The following PRR5L variants were observed in gnomAD, a reference collection of about 807,000 sequenced individuals.
PRR5L encodes the protein proline-rich protein 5-like.
In PRR5L, 21 loss-of-function variants were observed where a neutral mutation model predicts 36.4. The observed-to-expected ratio is 0.58, with a 90% CI of 0.41 to 0.83. The LOEUF is 0.83. Among genes scored for constraint, PRR5L ranks in the 40% least tolerant of loss-of-function variants. The pLI is 0.00. For synonymous variants in PRR5L, 188 were observed against 197.0 expected, an observed-to-expected ratio of 0.95 and a Z score of 0.38; for missense variants, 381 against 473.3, an observed-to-expected ratio of 0.80 and a Z score of 1.81.
intron 1 of PRR5L, among the ~76,000 whole-genome samples, chr11:36,379,001 T>C (rs374342523): frequency 3.3e-5 from 5 of 152,348 alleles, no homozygotes; most frequent in African/African-American, 1.2e-4. Context: ...GTTGATTAGA[T>C]GGATGGCTTT....
intron 1 of PRR5L, among the ~76,000 whole-genome samples, chr11:36,313,718 A>G (rs1856527543): frequency 6.6e-6 from 1 of 152,242 alleles, no homozygotes; most frequent in African/African-American, 2.4e-5. Flanking sequence ...TTTTAACAGC[A>G]TGATTGACCT....
chr11:36,377,912 C>T lies in PRR5L; in HGVS notation c.-125-23085C>T, dbSNP rs1300866869. 6.6e-6 allele frequency among the ~76,000 whole-genome samples: 1 copy of T among 152,154 alleles called. No homozygotes were observed. Among genetic ancestry groups the T allele is most frequent in the Non-Finnish European group, 1.5e-5 (1 of 68,028 alleles). On this transcript the variant is annotated intron_variant, in intron 1 of 8. Transcript: ENST00000530639. This position sits in a 1 kb window ranked among gnomAD's most constrained non-coding sequence, Gnocchi z 5.1. ...CTTGGGCAGAATTCTGGACCTGTTG[C>T]CCAGACGACACGTGCACATTCAGAT...
intron 1 of PRR5L, among the ~76,000 whole-genome samples, chr11:36,329,533 A>G (rs903549230): frequency 1.3e-4 from 20 of 152,228 alleles, no homozygotes; most frequent in African/African-American, 4.1e-4. Context: ...ATTTCTTTCT[A>G]CAATTATTCC....
intron 1 of PRR5L, among the ~76,000 whole-genome samples, chr11:36,299,442 T>C (rs1562327): frequency 0.36 from 54,347 of 152,068 alleles, 10,722 homozygotes; most frequent in Non-Finnish European, 0.44. Context: ...CTCACCCAGC[T>C]TTCTTTGTGG....
chr11:36,431,716 G>C (rs1381769581), intron 4 of PRR5L, 137 bp from the exon 5 acceptor site: 8 of 685,956 alleles, frequency 1.2e-5, no homozygotes, highest in East Asian at 1.1e-4. Flanking sequence ...AGGAAAAAAG[G>C]CTTCTTAAAC....
chr11:36,411,612 G>T (rs1858029203), intron 3 of PRR5L, among the ~76,000 whole-genome samples: 1 of 152,118 alleles, frequency 6.6e-6, no homozygotes, highest in Admixed American at 6.5e-5. Flanking sequence ...GTGGTGGTTG[G>T]TAGCAGCAGA....
intron 6 of PRR5L, among the ~76,000 whole-genome samples, chr11:36,442,171 T>C (rs4755452): frequency 0.64 from 97,643 of 151,974 alleles, 31,717 homozygotes; most frequent in Non-Finnish European, 0.68. Flanking sequence ...ATTTCTCTCC[T>C]GCAAATGCCT....
intron 1 of PRR5L, among the ~76,000 whole-genome samples, chr11:36,362,592 A>G (rs969855575): frequency 7.2e-5 from 11 of 152,154 alleles, no homozygotes; most frequent in African/African-American, 2.7e-4. Context: ...AGCACTTCTC[A>G]CACCATGCCT....
At chr11:36,338,749 C>G (rs1472858987) in intron 1 of PRR5L, among the ~76,000 whole-genome samples, 1 of 152,094 alleles carries the variant, frequency 6.6e-6, no homozygotes, top group Non-Finnish European at 1.5e-5. Context: ...TTTTTTGAGA[C>G]AAAGTCTCAC....
chr11:36,436,402 C>T (rs1858606870), intron 5 of PRR5L, among the ~76,000 whole-genome samples: 1 of 152,208 alleles, frequency 6.6e-6, no homozygotes. Context: ...GAGTTCCTCA[C>T]ACAGCCTTCT....
In PRR5L at chr11:36,463,550, T is replaced by C. The variant is rs1447782850; in HGVS notation, c.*814T>C. The C allele has an allele frequency of 6.6e-6, 1 of 152,554 alleles. No individual in the cohort carries two copies. Among genetic ancestry groups the C allele is most frequent in the African/African-American group, 2.4e-5 (1 of 41,422 alleles). 9.5% of individuals were successfully genotyped at this position (152,554 alleles called of 1,614,324 possible). On this transcript the variant is annotated 3_prime_UTR_variant, in exon 9 of 9. Transcript: ENST00000530639. ...AGAAACGGACTTTCTCATCATGCTT[T>C]CCTATGGTGGGTATGAGGGGCCAGC...
At chr11:36,419,846 A>C (rs1858224817) in intron 4 of PRR5L, among the ~76,000 whole-genome samples, 1 of 152,224 alleles carries the variant, frequency 6.6e-6, no homozygotes, top group Admixed American at 6.5e-5. Context: ...GGAAAAAAAC[A>C]AATAGCTTAG....
intron 1 of PRR5L, among the ~76,000 whole-genome samples, chr11:36,351,404 AAT>A (rs1276656362): frequency 6.6e-5 from 5 of 75,428 alleles, no homozygotes; most frequent in Non-Finnish European, 8.7e-5. Context: ...TATATTTATA[AAT>A]ATATATGTAT....
At chr11:36,335,659 G>C (rs775518635) in intron 1 of PRR5L, among the ~76,000 whole-genome samples, 1 of 152,100 alleles carries the variant, frequency 6.6e-6, no homozygotes, top group African/African-American at 2.4e-5. Context: ...TCTTGAGTAC[G>C]TGGTATTTAT....
chr11:36,404,282 T>G (rs112601125), intron 3 of PRR5L, among the ~76,000 whole-genome samples: 2 of 150,652 alleles, frequency 1.3e-5, no homozygotes, highest in Non-Finnish European at 3.0e-5. Context: ...TTTTTTTTTT[T>G]TTTTTTTTAA....
intron 6 of PRR5L, among the ~76,000 whole-genome samples, chr11:36,438,002 G>A (rs1858641023): frequency 6.6e-6 from 1 of 152,168 alleles, no homozygotes; most frequent in South Asian, 2.1e-4. Flanking sequence ...AAGAGTGTGG[G>A]CTTGGGCAGA....
chr11:36,404,283 T>TTG (rs1368020814), intron 3 of PRR5L, among the ~76,000 whole-genome samples: 2 of 113,932 alleles, frequency 1.8e-5, no homozygotes, highest in Admixed American at 7.7e-5. Flanking sequence ...TTTTTTTTTT[T>TTG]TTTTTTTAAA....
At chr11:36,323,703 A>G (rs1165802212) in intron 1 of PRR5L, among the ~76,000 whole-genome samples, 1 of 152,230 alleles carries the variant, frequency 6.6e-6, no homozygotes, top group East Asian at 1.9e-4. Flanking sequence ...CATTAGCTAT[A>G]AATCTGTTAA....
At chr11:36,317,229 G>A (rs2133460352) in intron 1 of PRR5L, among the ~76,000 whole-genome samples, 1 of 152,332 alleles carries the variant, frequency 6.6e-6, no homozygotes, top group East Asian at 1.9e-4. Flanking sequence ...ACCAGCTGGA[G>A]AGGTAGTAAG....
Sources: allele counts gnomAD v4.1 joint callset (sites outside exome capture counted in the v4.1 genomes callset), GRCh38; gene constraint gnomAD v4.1.1; non-coding constraint Gnocchi (gnomAD v3.1); transcripts MANE v1.5; gene names NCBI Gene and HGNC (gene_info 2026-07-23, HGNC 2026-07-21).